The following TPST1 variants were observed in gnomAD, a reference collection of about 807,000 sequenced individuals.
TPST1 encodes tyrosylprotein sulfotransferase 1.
TPST1 carries 20 observed loss-of-function variants against 34.8 expected under a neutral mutation model. That is an observed-to-expected ratio of 0.57 (90% CI 0.40 to 0.84). The LOEUF (loss-of-function observed/expected upper bound fraction) is 0.84. Ranked by LOEUF, TPST1 falls within the 40% of genes least tolerant of loss-of-function variation. The pLI, the probability that TPST1 is intolerant of heterozygous loss-of-function variation, is 0.00. For synonymous variants in TPST1, 152 were observed against 159.4 expected, an observed-to-expected ratio of 0.95 and a Z score of 0.35; for missense variants, 353 against 455.5, an observed-to-expected ratio of 0.78 and a Z score of 2.05.
intron 2 of TPST1, among the ~76,000 whole-genome samples, chr7:66,279,731 A>G (rs1790895243): frequency 6.6e-6 from 1 of 152,208 alleles, no homozygotes; most frequent in Admixed American, 6.5e-5. Context: ...TGAAAATACA[A>G]TACTTATTCT....
At chr7:66,352,686 T>C in intron 4 of TPST1, 131 bp downstream of exon 4, 1 of 1,507,268 alleles carries the variant, frequency 6.6e-7, no homozygotes, top group Non-Finnish European at 8.8e-7. Flanking sequence ...AAAGGGATAG[T>C]GATATGTGCT....
At chr7:66,210,206 T>G (rs546948025) in intron 1 of TPST1, among the ~76,000 whole-genome samples, 1 of 152,294 alleles carries the variant, frequency 6.6e-6, no homozygotes, top group South Asian at 2.1e-4. Context: ...GATGACATAC[T>G]GAGTTCAGGC....
chr7:66,324,418 G>A (rs188282044), intron 3 of TPST1, among the ~76,000 whole-genome samples: 120 of 152,102 alleles, frequency 7.9e-4, no homozygotes, highest in African/African-American at 2.3e-3. Context: ...TTTCCTTTAC[G>A]TATAAACTTT....
chr7:66,237,687 G>GT (rs1303870234), intron 1 of TPST1, among the ~76,000 whole-genome samples: 1 of 152,144 alleles, frequency 6.6e-6, no homozygotes, highest in Non-Finnish European at 1.5e-5. Context: ...TGAATTTAGA[G>GT]TGGTGGGTAA....
chr7:66,311,322 A>G (rs1791528051), intron 3 of TPST1, among the ~76,000 whole-genome samples: 1 of 152,032 alleles, frequency 6.6e-6, no homozygotes, highest in African/African-American at 2.4e-5. Context: ...TATTTTTTGT[A>G]GAGACAAGAT....
intron 3 of TPST1, among the ~76,000 whole-genome samples, chr7:66,349,744 G>C (rs1223384626): frequency 1.3e-5 from 2 of 152,166 alleles, no homozygotes; most frequent in Non-Finnish European, 2.9e-5. Context: ...CTGGAAAGTA[G>C]GGGCTGGGAC....
rs56389964 is a variant in TPST1 at position 66,324,800 on chromosome 7, CAAAAAAAA to C, written c.1045-27682_1045-27675del. Among the ~76,000 whole-genome samples the C allele has an allele frequency of 1.7e-3, 182 of 109,250 alleles. 4 individuals are homozygous for C. The highest frequency in any genetic ancestry group is 5.1e-3 in the African/African-American group (152 of 29,634). 71.7% of individuals were successfully genotyped at this position (109,250 alleles called of 152,430 possible). A position where few individuals can be genotyped will look rare whatever the true frequency, so the allele number is the denominator to read the frequency against. ...TGGGTGACAGAGTAAGACTCTGTCT[CAAAAAAAA>C]AAAAAAAAAAAAAAAAAAAAAACAA... On this transcript the variant is annotated intron_variant, in intron 3 of 5. Transcript: ENST00000304842.
At chr7:66,247,148 C>T (rs1361404084) in intron 2 of TPST1, among the ~76,000 whole-genome samples, 1 of 152,170 alleles carries the variant, frequency 6.6e-6, no homozygotes, top group African/African-American at 2.4e-5. Flanking sequence ...CAAAAAGAGG[C>T]CAGGCACAGT....
chr7:66,323,206 C>A (rs909747197), intron 3 of TPST1, among the ~76,000 whole-genome samples: 1 of 152,024 alleles, frequency 6.6e-6, no homozygotes, highest in South Asian at 2.1e-4. Context: ...GAGTTGATTT[C>A]TTTAACTTTA....
At chr7:66,331,738 T>C (rs1028078532) in intron 3 of TPST1, among the ~76,000 whole-genome samples, 1 of 152,228 alleles carries the variant, frequency 6.6e-6, no homozygotes, top group Non-Finnish European at 1.5e-5. Flanking sequence ...TCTGTTTCTT[T>C]CTTTGTTTCA....
intron 4 of TPST1, among the ~76,000 whole-genome samples, chr7:66,354,104 C>T (rs138344908): frequency 3.9e-5 from 6 of 152,258 alleles, no homozygotes; most frequent in Admixed American, 1.3e-4. Context: ...AGTAAGTCCT[C>T]AGGAGTCACG....
At chr7:66,299,338 T>G (rs1173718942) in intron 3 of TPST1, among the ~76,000 whole-genome samples, 13 of 151,728 alleles carry the variant, frequency 8.6e-5, no homozygotes, top group South Asian at 4.2e-4. Context: ...GTGTTTGTTT[T>G]TTTTTTAATT....
chr7:66,347,255 A>C (rs1335159623), intron 3 of TPST1, among the ~76,000 whole-genome samples: 1 of 150,288 alleles, frequency 6.7e-6, no homozygotes, highest in East Asian at 1.9e-4. Context: ...TTGAGTAGAG[A>C]CGGGGTTTCA....
intron 3 of TPST1, among the ~76,000 whole-genome samples, chr7:66,348,485 T>A (rs911222275): frequency 4.5e-4 from 69 of 152,346 alleles, no homozygotes; most frequent in African/African-American, 1.4e-3. Context: ...CGATTTTTTT[T>A]ATTATTTTAA....
intron 4 of TPST1, among the ~76,000 whole-genome samples, chr7:66,355,162 G>T (rs1183075903): frequency 6.6e-6 from 1 of 151,954 alleles, no homozygotes; most frequent in Non-Finnish European, 1.5e-5. Flanking sequence ...CTAAGTAGGA[G>T]AATATATTTG....
chr7:66,354,506 G>A (rs1792542688), intron 4 of TPST1, among the ~76,000 whole-genome samples: 1 of 110,892 alleles, frequency 9.0e-6, no homozygotes, highest in Admixed American at 1.4e-4. Context: ...CTGGGTGACA[G>A]AGCGAGAGTC....
At chr7:66,320,934 A>G (rs763946046) in intron 3 of TPST1, among the ~76,000 whole-genome samples, 1 of 152,198 alleles carries the variant, frequency 6.6e-6, no homozygotes, top group East Asian at 1.9e-4. Flanking sequence ...TGCTATAATT[A>G]CATAACTATT....
At chr7:66,318,094 G>T (rs1041017804) in intron 3 of TPST1, among the ~76,000 whole-genome samples, 1 of 152,048 alleles carries the variant, frequency 6.6e-6, no homozygotes, top group African/African-American at 2.4e-5. Flanking sequence ...GGAGGCAGAG[G>T]TTACAGCGAG....
intron 3 of TPST1, among the ~76,000 whole-genome samples, chr7:66,328,011 CTTTTTTTTTTTTTTT>C (rs35582736): frequency 1.8e-4 from 7 of 39,514 alleles, no homozygotes; most frequent in Non-Finnish European, 2.6e-4. Flanking sequence ...TTTTCCTTTC[CTTTTTTTTTTTTTTT>C]TTTTTTTTTT....
Sources: gnomAD v4.1 joint callset for allele counts (sites outside exome capture counted in the v4.1 genomes callset) on GRCh38, gnomAD v4.1.1 for gene constraint, MANE v1.5 for transcripts, NCBI Gene and HGNC (gene_info 2026-07-23, HGNC 2026-07-21) for gene names.